The following CCDC141 variants were observed in gnomAD, a reference collection of about 807,000 sequenced individuals.
The protein encoded by CCDC141 is coiled-coil domain-containing protein 141.
In CCDC141, 168 loss-of-function variants were observed where a neutral mutation model predicts 181.0. That is an observed-to-expected ratio of 0.93 (90% confidence interval 0.82 to 1.05). The LOEUF is 1.05. CCDC141 is among the 50% of genes least tolerant of loss of function. The pLI is 0.00. For missense variants in CCDC141, 1,902 were observed against 1,788.5 expected, an observed-to-expected ratio of 1.06 and a Z score of -1.14; for synonymous variants, 666 against 642.3, an observed-to-expected ratio of 1.04 and a Z score of -0.56.
At chr2:178,937,051 C>G (rs1689320978) in intron 6 of CCDC141, among the ~76,000 whole-genome samples, 1 of 152,148 alleles carries the variant, frequency 6.6e-6, no homozygotes, top group Admixed American at 6.5e-5. Context: ...GAGAGTTTGA[C>G]TTCCTCTCTT....
At chr2:178,882,326 G>A (rs1411174196) in intron 11 of CCDC141, among the ~76,000 whole-genome samples, 2 of 152,074 alleles carry the variant, frequency 1.3e-5, no homozygotes, top group South Asian at 2.1e-4. Flanking sequence ...CCAAAATCGC[G>A]CCATTGCACT....
At chr2:179,005,647 CTTTTT>C (rs974446430) in intron 2 of CCDC141, among the ~76,000 whole-genome samples, 1 of 151,812 alleles carries the variant, frequency 6.6e-6, no homozygotes. Flanking sequence ...CTTTTCTTTT[CTTTTT>C]GAGACAGAGT....
rs1290518598 is a variant in CCDC141, at chr2:179,015,538, GAT to G, written c.225+31744_225+31745del. Reference sequence around the variant, plus strand: ...TGTATCACATATATCTCATATATATGATATATATATCTCATATCTCATATATA... The same window carrying G: ...TGTATCACATATATCTCATATATATGATATATATCTCATATCTCATATATA... On this transcript the variant is annotated intron_variant, in intron 2 of 23. Coordinates refer to ENST00000443758, the MANE Select transcript of CCDC141 (RefSeq NM_173648.4). Among the ~76,000 whole-genome samples the G allele has an allele frequency of 1.3e-4, 10 of 75,422 alleles. 1 individual carries two copies. The highest frequency in any genetic ancestry group is 1.3e-3 in the South Asian group (3 of 2,366). The allele number at this position is 75,422 out of a possible 152,430, so 49.5% of individuals were successfully genotyped here.
intron 5 of CCDC141, among the ~76,000 whole-genome samples, chr2:178,950,042 G>A (rs1358449603): frequency 6.6e-6 from 1 of 152,064 alleles, no homozygotes; most frequent in Non-Finnish European, 1.5e-5. Context: ...CAATTCAAAC[G>A]ACCTTAACAG....
In CCDC141 at chr2:179,049,888, T is replaced by A. The variant is rs994868495; in HGVS notation, c.54A>T (p.Ser18=). 9 of 1,550,806 alleles carry A rather than the reference T, an allele frequency of 5.8e-6. No homozygotes were observed. The highest frequency in any genetic ancestry group is 7.8e-6 in the Non-Finnish European group (9 of 1,146,982). Residue 18 remains serine (S), a synonymous_variant, in exon 1 of 24, where the codon TCA becomes TCT. Coordinates refer to ENST00000443758, the MANE Select transcript of CCDC141 (RefSeq NM_173648.4). ...SVALSTTTVS[S]VAVQAGDSKI... ...TGGAGTCCCCAGCCTGCACAGCAAC[T>A]GAACTGACTGTCGTCGTAGAAAGCG...
chr2:179,012,066 T>A (rs558054928), intron 2 of CCDC141, among the ~76,000 whole-genome samples: 1 of 151,874 alleles, frequency 6.6e-6, no homozygotes, highest in Non-Finnish European at 1.5e-5. Flanking sequence ...TAAGGAACTA[T>A]AGAAACAAGA....
chr2:179,002,259 C>T (rs935500353), intron 2 of CCDC141: 3 of 245,448 alleles, frequency 1.2e-5, no homozygotes, highest in Non-Finnish European at 2.5e-5. Flanking sequence ...TGTCTTGGCC[C>T]ATGACCATGT....
At chr2:178,997,249 T>C (rs1692329320) in intron 2 of CCDC141, among the ~76,000 whole-genome samples, 1 of 152,196 alleles carries the variant, frequency 6.6e-6, no homozygotes, top group Admixed American at 6.5e-5. Flanking sequence ...TGTTTGCCCA[T>C]GTGCCACATC....
At chr2:178,969,803 G>T (rs188485094) in intron 4 of CCDC141, among the ~76,000 whole-genome samples, 1 of 152,088 alleles carries the variant, frequency 6.6e-6, no homozygotes, top group Non-Finnish European at 1.5e-5. Context: ...AGAAATAAAC[G>T]GTATTCAAAT....
chr2:178,982,835 T>C (rs543798169), intron 2 of CCDC141, among the ~76,000 whole-genome samples: 8 of 152,160 alleles, frequency 5.3e-5, no homozygotes, highest in Non-Finnish European at 1.0e-4. Flanking sequence ...GTCTCCCTGA[T>C]TGCTAGCACA....
At chr2:179,015,928 TAA>T (rs1491453454) in intron 2 of CCDC141, among the ~76,000 whole-genome samples, 1 of 140,614 alleles carries the variant, frequency 7.1e-6, no homozygotes, top group Non-Finnish European at 1.5e-5. Flanking sequence ...ATATATCATA[TAA>T]TTTCATATAT....
At chr2:178,816,064 T>C in the CCDC141 span, among the ~76,000 whole-genome samples, 6 of 152,210 alleles carry the variant, frequency 3.9e-5, no homozygotes, top group African/African-American at 1.4e-4. Context: ...AAGTTCATAA[T>C]ATACATTAGG....
intron 2 of CCDC141, among the ~76,000 whole-genome samples, chr2:178,984,377 A>G (rs1324024458): frequency 6.6e-6 from 1 of 152,020 alleles, no homozygotes; most frequent in African/African-American, 2.4e-5. Context: ...AAATGTAACG[A>G]CCATCGAGAC....
chr2:179,031,885 G>C (rs762206163), intron 2 of CCDC141, among the ~76,000 whole-genome samples: 2 of 152,076 alleles, frequency 1.3e-5, no homozygotes, highest in African/African-American at 4.8e-5. Flanking sequence ...CTTAGGATGG[G>C]TTTTGAGTTG....
chr2:178,901,793 A>G (rs1687706464), intron 8 of CCDC141, among the ~76,000 whole-genome samples: 1 of 152,066 alleles, frequency 6.6e-6, no homozygotes, highest in Non-Finnish European at 1.5e-5. Flanking sequence ...AGGGTATTCA[A>G]TTAGGAAAAG....
At chr2:178,958,468 T>TA (rs1245381607) in intron 5 of CCDC141, among the ~76,000 whole-genome samples, 2 of 152,056 alleles carry the variant, frequency 1.3e-5, no homozygotes, top group Non-Finnish European at 2.9e-5. Flanking sequence ...AAAAGTGCTC[T>TA]AAAAAAATAA....
rs150333124 is a variant in CCDC141, at chr2:178,830,417, C to A, written c.*3756G>T. 6.6e-6 allele frequency: 1 copy of A among 152,274 alleles called. No individual in the cohort carries two copies. The highest frequency in any genetic ancestry group is 1.5e-5 in the Non-Finnish European group (1 of 68,044). The allele number at this position is 152,274 out of a possible 1,614,324, so 9.4% of individuals were successfully genotyped here. A position where few individuals can be genotyped will look rare whatever the true frequency, so the allele number is the denominator to read the frequency against. On this transcript the variant is annotated 3_prime_UTR_variant, in exon 24 of 24. Coordinates refer to ENST00000443758, the MANE Select transcript of CCDC141 (RefSeq NM_173648.4). ...AGTGCTTCATTGTTAGGGCCTGATT[C>A]GGATTGACTCCTGTCTATAAGAAGG...
At chr2:178,902,277 A>C (rs1687734780) in intron 8 of CCDC141, among the ~76,000 whole-genome samples, 1 of 152,218 alleles carries the variant, frequency 6.6e-6, no homozygotes, top group Non-Finnish European at 1.5e-5. Context: ...TATGGCAACA[A>C]AAAAGAGCCT....
chr2:178,820,339 T>C, the CCDC141 span, among the ~76,000 whole-genome samples: 1 of 151,818 alleles, frequency 6.6e-6, no homozygotes, highest in Non-Finnish European at 1.5e-5. Context: ...GGGGGAGGGG[T>C]TGTAGTTACT....
Sources: allele counts gnomAD v4.1 joint callset (sites outside exome capture counted in the v4.1 genomes callset), GRCh38; gene constraint gnomAD v4.1.1; transcripts MANE v1.5; gene names NCBI Gene and HGNC (gene_info 2026-07-23, HGNC 2026-07-21).